PCDHGA2: variants seen among roughly 807,000 people sequenced by gnomAD.
The protein encoded by PCDHGA2 is protocadherin gamma-A2.
In PCDHGA2, 40 loss-of-function variants were observed where a neutral mutation model predicts 59.2. The observed-to-expected ratio is 0.68, with a 90% CI of 0.52 to 0.88. The LOEUF (loss-of-function observed/expected upper bound fraction) is 0.88. Among genes scored for constraint, PCDHGA2 ranks in the 40% least tolerant of loss-of-function variants. The pLI, the probability that PCDHGA2 is intolerant of heterozygous loss-of-function variation, is 0.00. For synonymous variants in PCDHGA2, 560 were observed against 526.0 expected (o/e 1.06, Z -0.89); for missense variants, 1,226 against 1,204.0 (o/e 1.02, Z -0.27).
chr5:141,393,249 G>C, intron 1 of PCDHGA2: 7 of 1,613,786 alleles, frequency 4.3e-6, no homozygotes, highest in Non-Finnish European at 5.9e-6. Context: ...TAACGAAATC[G>C]CGGTTCCTGG....
intron 1 of PCDHGA2, chr5:141,404,176 A>G (rs763166170): frequency 7.4e-6 from 12 of 1,613,206 alleles, no homozygotes; most frequent in South Asian, 2.2e-5. Context: ...TGACGGCCCA[A>G]ATTCTTGACC....
In PCDHGA2 at chr5:141,341,001, G is replaced by A; in HGVS notation, c.2030G>A (p.Ser677Asn). 1 of 1,614,124 alleles carries A rather than the reference G, an allele frequency of 6.2e-7. No individual in the cohort carries two copies. The highest frequency in any genetic ancestry group is 8.5e-7 in the Non-Finnish European group (1 of 1,180,010). The stretch of plus-strand genomic sequence containing the variant: ...CCCGACATCCTGGCCGACCTGGGCA[G>A]CCTCGAGCCCTCCGCCATACCCAAC... ...RIPDILADLGSLEPSAIPNDS... is the reference protein window; with the variant it reads ...RIPDILADLGNLEPSAIPNDS... Residue 677 changes from serine (S) to asparagine (N), a missense_variant, in exon 1 of 4, where the codon AGC (serine) becomes AAC (asparagine). Physicochemically the swap from Ser to Asn is conservative, Grantham distance 46. Coordinates refer to ENST00000394576, the MANE Select transcript of PCDHGA2 (RefSeq NM_018915.4).
intron 1 of PCDHGA2, among the ~76,000 whole-genome samples, chr5:141,482,914 A>G (rs1023561837): frequency 6.6e-6 from 1 of 152,162 alleles, no homozygotes; most frequent in Non-Finnish European, 1.5e-5. Context: ...TCTATTAAAA[A>G]TACAAAAAAT....
At chr5:141,392,980 C>T (rs1327544903) in intron 1 of PCDHGA2, 1 of 1,613,716 alleles carries the variant, frequency 6.2e-7, no homozygotes, top group Non-Finnish European at 8.5e-7. Context: ...GGGCTGGACC[C>T]CCGGAAGCTG....
chr5:141,366,927 T>C (rs1442666923), intron 1 of PCDHGA2: 3 of 981,216 alleles, frequency 3.1e-6, no homozygotes, highest in Non-Finnish European at 4.3e-6. Context: ...AAATTCTGTT[T>C]TGGGAAGTCT....
At chr5:141,478,617 G>T in intron 1 of PCDHGA2, 1 of 1,556,398 alleles carries the variant, frequency 6.4e-7, no homozygotes, top group South Asian at 1.2e-5. Context: ...AGGAAGGAAT[G>T]GAGCTGTTTT....
In PCDHGA2 at chr5:141,382,880, G is replaced by C. The variant is rs959397097; in HGVS notation, c.2424+41485G>C. The C allele has an allele frequency of 5.2e-6, 8 of 1,526,962 alleles. No homozygotes were observed. The African/African-American group carries it at 5.6e-5, about 11-fold the overall frequency. The allele number at this position is 1,526,962 out of a possible 1,614,324, so 94.6% of individuals were successfully genotyped here. ...AGCACTTCCCGAGATCGGCGCCTAA[G>C]CAAGAGAAGCAGGACGACTATGGCG... On this transcript the variant is annotated intron_variant, in intron 1 of 3. Transcript: ENST00000394576.
chr5:141,423,762 G>GT, intron 1 of PCDHGA2: 1 of 264,254 alleles, frequency 3.8e-6, no homozygotes, highest in Non-Finnish European at 5.6e-6. Context: ...GGGGGGGGGT[G>GT]GGGCGGCATA....
In PCDHGA2 at chr5:141,393,139, T is replaced by A. The variant is rs753058672; in HGVS notation, c.2424+51744T>A. 1.2e-6 allele frequency: 2 copies of A among 1,613,322 alleles called. No individual in the cohort carries two copies. The highest frequency in any genetic ancestry group is 3.3e-5 in the Admixed American group (2 of 60,032). ...CGGTGTCTGATAAATATTAACACCC[T>A]GGTTGAGGATAAAGGAAAACTCTTT... On this transcript the variant is annotated intron_variant, in intron 1 of 3. Coordinates refer to ENST00000394576, the MANE Select transcript of PCDHGA2 (RefSeq NM_018915.4).
intron 1 of PCDHGA2, chr5:141,357,741 T>C: frequency 1.6e-6 from 2 of 1,282,110 alleles, no homozygotes; most frequent in Non-Finnish European, 2.1e-6. Context: ...TTTTATTGCT[T>C]TAAAGAAAAC....
intron 1 of PCDHGA2, chr5:141,433,160 A>G: frequency 1.9e-6 from 3 of 1,613,848 alleles, no homozygotes; most frequent in Middle Eastern, 1.7e-4. Context: ...GGTATTTTCT[A>G]AAGACAGTCA....
intron 1 of PCDHGA2, 106 bp downstream of exon 1, chr5:141,341,501 C>G: frequency 6.4e-7 from 1 of 1,551,054 alleles, no homozygotes; most frequent in East Asian, 2.3e-5. Flanking sequence ...AGGGTAGAGT[C>G]AAGTTTTAGG....
intron 1 of PCDHGA2, among the ~76,000 whole-genome samples, chr5:141,469,403 C>T (rs902543178): frequency 4.6e-5 from 7 of 152,060 alleles, no homozygotes; most frequent in South Asian, 2.1e-4. Context: ...GGTGAAACCC[C>T]GTTTCTACTA....
At chr5:141,460,817 A>G (rs527681610) in intron 1 of PCDHGA2, among the ~76,000 whole-genome samples, 3 of 152,126 alleles carry the variant, frequency 2.0e-5, no homozygotes, top group South Asian at 2.1e-4. Context: ...ATGTATACAT[A>G]TATACACACT....
chr5:141,344,297 G>C, intron 1 of PCDHGA2: 8 of 1,614,124 alleles, frequency 5.0e-6, no homozygotes, highest in Non-Finnish European at 5.9e-6. Context: ...TCACCGCGGA[G>C]AGGATAGACC....
chr5:141,447,018 G>GT (rs1329161304), intron 1 of PCDHGA2, among the ~76,000 whole-genome samples: 6 of 142,194 alleles, frequency 4.2e-5, no homozygotes, highest in African/African-American at 1.6e-4. Context: ...GTTCAGTTTT[G>GT]TTTTGTTTTT....
Position 141,491,885 on chromosome 5 carries a change from G to T in PCDHGA2, c.2425-2922G>T. On this transcript the variant is annotated intron_variant, in intron 1 of 3. Transcript: ENST00000394576. The surrounding 1 kb of genome is among the most constrained non-coding windows in gnomAD (Gnocchi z 6.9). ...ACCAGAGTGGCCGATTAAGGGATGG[G>T]GCTCCGAGCACCGGGGGTGGTGGCG... The T allele has an allele frequency of 6.9e-7, 1 of 1,445,748 alleles. No homozygotes were observed. Among genetic ancestry groups the T allele is most frequent in the Non-Finnish European group, 9.1e-7 (1 of 1,093,758 alleles). The allele number at this position is 1,445,748 out of a possible 1,614,324, so 89.6% of individuals were successfully genotyped here. A position where few individuals can be genotyped will look rare whatever the true frequency, so the allele number is the denominator to read the frequency against.
At position 141,485,222 on chromosome 5, in the gene PCDHGA2, C is replaced by T; in HGVS notation, c.2425-9585C>T. On this transcript the variant is annotated intron_variant, in intron 1 of 3. Transcript: ENST00000394576. The surrounding 1 kb of genome is among the most constrained non-coding windows in gnomAD (Gnocchi z 5.7). The stretch of plus-strand genomic sequence containing the variant: ...GACAGAAATCTGGCGGTGGGCTACC[C>T]TTTTGTTCCTCTTTTACCACCTGGG... 4 of 1,614,196 alleles carry T rather than the reference C, an allele frequency of 2.5e-6. No homozygotes were observed. Among genetic ancestry groups the T allele is most frequent in the Non-Finnish European group, 2.5e-6 (3 of 1,180,020 alleles).
rs765818637 is a variant in PCDHGA2 at position 141,409,918 on chromosome 5, C to T, written c.2424+68523C>T. ...ACCCAGCTCTGGGTCCTGACGGCTC[C>T]GCGTTCTTCGATATGGTACCTCGCT... On this transcript the variant is annotated intron_variant, in intron 1 of 3. Coordinates refer to ENST00000394576, the MANE Select transcript of PCDHGA2 (RefSeq NM_018915.4). 1.9e-6 allele frequency: 3 copies of T among 1,613,222 alleles called. No individual in the cohort carries two copies. In the African/African-American group the frequency reaches 4.0e-5, roughly 22 times the overall value.
Sources: gnomAD v4.1 joint callset for allele counts (sites outside exome capture counted in the v4.1 genomes callset) on GRCh38, gnomAD v4.1.1 for gene constraint, Gnocchi (gnomAD v3.1) non-coding constraint, MANE v1.5 for transcripts, NCBI Gene and HGNC (gene_info 2026-07-23, HGNC 2026-07-21) for gene names.